Variants in PLCXD3 observed in about 807,000 individuals in gnomAD.
PLCXD3 encodes PI-PLC X domain-containing protein 3.
In PLCXD3, 19 loss-of-function variants were observed where a neutral mutation model predicts 25.5. The ratio of observed to expected loss-of-function variants is 0.75; its 90% CI spans 0.52 to 1.09. PLCXD3 has a LOEUF of 1.09. Among genes scored for constraint, PLCXD3 ranks in the 50% least tolerant of loss-of-function variants. PLCXD3 has a pLI of 0.00. For missense variants in PLCXD3, 411 were observed against 388.1 expected (o/e 1.06, Z -0.50); for synonymous variants, 174 against 137.6 (o/e 1.26, Z -1.85).
chr5:41,496,063 C>T (rs114619909), intron 1 of PLCXD3, among the ~76,000 whole-genome samples: 3 of 151,930 alleles, frequency 2.0e-5, no homozygotes, highest in Non-Finnish European at 4.4e-5. Flanking sequence ...CTGAAGAATG[C>T]AATAACTGAA....
At chr5:41,482,374 G>T (rs1314033543) in intron 1 of PLCXD3, among the ~76,000 whole-genome samples, 9 of 152,182 alleles carry the variant, frequency 5.9e-5, no homozygotes, top group African/African-American at 2.2e-4. Flanking sequence ...GTAGTCACGT[G>T]TCTGGGCCAC....
chr5:41,379,363 G>A (rs1259492404), intron 2 of PLCXD3, among the ~76,000 whole-genome samples: 2 of 152,068 alleles, frequency 1.3e-5, no homozygotes, highest in African/African-American at 4.8e-5. Flanking sequence ...GTAGAAAATG[G>A]TGCTATAAAG....
intron 1 of PLCXD3, among the ~76,000 whole-genome samples, chr5:41,440,034 T>G (rs576005956): frequency 6.6e-6 from 1 of 152,084 alleles, no homozygotes; most frequent in East Asian, 1.9e-4. Flanking sequence ...AGAGGAAGGA[T>G]TCGCACACAG....
At chr5:41,469,703 A>G (rs1565968) in intron 1 of PLCXD3, among the ~76,000 whole-genome samples, 94,604 of 152,070 alleles carry the variant, frequency 0.62, 31,000 homozygotes, top group Admixed American at 0.73. Context: ...AATGCCATCA[A>G]TTAAATAATA....
At chr5:41,397,296 C>T (rs891412792) in intron 1 of PLCXD3, among the ~76,000 whole-genome samples, 1 of 152,166 alleles carries the variant, frequency 6.6e-6, no homozygotes, top group South Asian at 2.1e-4. Context: ...ATTCCAGCTG[C>T]CCCAGCTCTA....
rs570700051 is a variant in PLCXD3 at position 41,480,834 on chromosome 5, C to T, written c.103+29590G>A. On this transcript the variant is annotated intron_variant, in intron 1 of 2. Coordinates refer to ENST00000377801, the MANE Select transcript of PLCXD3 (RefSeq NM_001005473.3). ...TACTCAGGAGGCTGAGGCTTGAACC[C>T]GGGAGGTGGAGGTTGAAGTGAGCTG... Among the ~76,000 whole-genome samples the T allele has an allele frequency of 3.3e-5, 5 of 151,970 alleles. No individual in the cohort carries two copies. The East Asian group carries it at 7.8e-4, about 24-fold the overall frequency.
At chr5:41,495,279 G>C (rs1391825955) in intron 1 of PLCXD3, among the ~76,000 whole-genome samples, 1 of 152,220 alleles carries the variant, frequency 6.6e-6, no homozygotes, top group African/African-American at 2.4e-5. Context: ...CTCACCTGTA[G>C]AAGAGAGCTA....
In PLCXD3 at chr5:41,415,889, G is replaced by T. The variant is rs559060682; in HGVS notation, c.104-33355C>A. Reference sequence around the variant, plus strand: ...AGGAGAGTTTATAATGGAACTGTGTGGATAGGATGTAGGGAAACTACATAT... The same window carrying T: ...AGGAGAGTTTATAATGGAACTGTGTTGATAGGATGTAGGGAAACTACATAT... On this transcript the variant is annotated intron_variant, in intron 1 of 2. Transcript: ENST00000377801. Among the ~76,000 whole-genome samples the T allele has an allele frequency of 3.9e-4, 60 of 152,228 alleles. 1 individual carries two copies. The Middle Eastern group carries it at 0.024, about 60-fold the overall frequency.
chr5:41,398,114 G>A (rs1580350412), intron 1 of PLCXD3, among the ~76,000 whole-genome samples: 1 of 152,316 alleles, frequency 6.6e-6, no homozygotes, highest in African/African-American at 2.4e-5. Flanking sequence ...TTTGAAATGT[G>A]AGAAGAACAT....
At chr5:41,316,448 AC>A (rs1236947623) in intron 2 of PLCXD3, among the ~76,000 whole-genome samples, 3 of 151,752 alleles carry the variant, frequency 2.0e-5, no homozygotes, top group African/African-American at 7.3e-5. Flanking sequence ...TGGCTGTGGG[AC>A]AAAACTTCTT....
intron 2 of PLCXD3, among the ~76,000 whole-genome samples, chr5:41,378,571 G>C (rs1745363725): frequency 6.6e-6 from 1 of 152,058 alleles, no homozygotes; most frequent in Non-Finnish European, 1.5e-5. Context: ...AGGAAGTTCT[G>C]AATTAAAGGG....
At chr5:41,377,538 T>C (rs1400119987) in intron 2 of PLCXD3, among the ~76,000 whole-genome samples, 2 of 152,056 alleles carry the variant, frequency 1.3e-5, no homozygotes, top group African/African-American at 4.8e-5. Flanking sequence ...TTTTTAAGAA[T>C]GTGTGAATTG....
chr5:41,324,238 G>T (rs567084180), intron 2 of PLCXD3, among the ~76,000 whole-genome samples: 254 of 152,276 alleles, frequency 1.7e-3, no homozygotes, highest in African/African-American at 5.8e-3. Context: ...GCTCCTTTTG[G>T]AAACTAAGAA....
intron 2 of PLCXD3, among the ~76,000 whole-genome samples, chr5:41,368,741 C>T (rs1745008181): frequency 6.6e-6 from 1 of 152,134 alleles, no homozygotes; most frequent in Non-Finnish European, 1.5e-5. Flanking sequence ...GAGCTTTTAT[C>T]ATGAAGGGAT....
chr5:41,358,098 A>G (rs1326541302), intron 2 of PLCXD3, among the ~76,000 whole-genome samples: 1 of 152,200 alleles, frequency 6.6e-6, no homozygotes, highest in Non-Finnish European at 1.5e-5. Flanking sequence ...GCTATGTACC[A>G]GACAGAGAGC....
At position 41,489,418 on chromosome 5, in the gene PLCXD3, T is replaced by C. The variant is rs933129311; in HGVS notation, c.103+21006A>G. On this transcript the variant is annotated intron_variant, in intron 1 of 2. Transcript: ENST00000377801. Reference sequence around the variant, plus strand: ...GGATTGACTTGGCGATGCGGGCTCTTTTTTGGTTCCATATGAACTTTAAAG... The same window carrying C: ...GGATTGACTTGGCGATGCGGGCTCTCTTTTGGTTCCATATGAACTTTAAAG... Among the ~76,000 whole-genome samples the C allele has an allele frequency of 5.3e-4, 81 of 152,090 alleles. 1 individual carries two copies. The highest frequency in any genetic ancestry group is 2.8e-4 in the Non-Finnish European group (19 of 67,974).
Position 41,382,408 on chromosome 5 carries a change from A to G in PLCXD3, c.230T>C (p.Leu77Ser), listed in dbSNP as rs1234571028. 1 of 1,613,514 alleles carries G rather than the reference A, an allele frequency of 6.2e-7. No homozygotes were observed. The highest frequency in any genetic ancestry group is 1.1e-5 in the South Asian group (1 of 91,074). ...AGTAAAATTCATTGTCTGAGTGGCT[A>G]ACCATTTCCGCATGAGCTTTTTGGC... ...TVAKKLMRKW[L>S]ATQTMNFTGQ... The change falls in exon 2 of 3, where the codon TTA (leucine) becomes TCA (serine). Residue 77 changes from leucine to serine, a missense_variant. Transcript: ENST00000377801.
intron 1 of PLCXD3, among the ~76,000 whole-genome samples, chr5:41,498,143 G>A (rs567612194): frequency 8.6e-5 from 13 of 151,364 alleles, no homozygotes; most frequent in Non-Finnish European, 1.3e-4. Context: ...AAAAAGAATG[G>A]CAATCTAAGA....
intron 2 of PLCXD3, among the ~76,000 whole-genome samples, chr5:41,325,591 T>C (rs1743603263): frequency 6.6e-6 from 1 of 152,228 alleles, no homozygotes; most frequent in Non-Finnish European, 1.5e-5. Context: ...TTGTTTGGTG[T>C]CTGAAGAACT....
Sources: allele counts gnomAD v4.1 joint callset (sites outside exome capture counted in the v4.1 genomes callset), GRCh38; gene constraint gnomAD v4.1.1; transcripts MANE v1.5; gene names NCBI Gene and HGNC (gene_info 2026-07-23, HGNC 2026-07-21).